Variants in GTF2A1 observed in about 807,000 individuals in gnomAD.
GTF2A1 encodes the protein general transcription factor IIA subunit 1.
In GTF2A1, 12 loss-of-function variants were observed where a neutral mutation model predicts 54.1. The observed-to-expected ratio is 0.22, with a 90% CI of 0.14 to 0.36. The LOEUF (loss-of-function observed/expected upper bound fraction) is 0.36. Among genes scored for constraint, GTF2A1 ranks in the 10% least tolerant of loss-of-function variants. The pLI, the probability that GTF2A1 is intolerant of heterozygous loss-of-function variation, is 1.00. For synonymous variants in GTF2A1, 145 were observed against 152.0 expected (o/e 0.95, Z 0.34); for missense variants, 335 against 442.2 (o/e 0.76, Z 2.17).
At chr14:81,193,571 C>A (rs1892924322) in intron 6 of GTF2A1, among the ~76,000 whole-genome samples, 1 of 152,170 alleles carries the variant, frequency 6.6e-6, no homozygotes. Context: ...GGTTCTCAAT[C>A]CTGGCTGCAA....
chr14:81,216,613 ACTAT>A, intron 1 of GTF2A1, 99 bp from the exon 2 acceptor site: 1 of 622,974 alleles, frequency 1.6e-6, no homozygotes, highest in South Asian at 2.0e-5. Flanking sequence ...CATTTTGCCA[ACTAT>A]CTATATATGA....
In GTF2A1 at chr14:81,190,482, T is replaced by C. The variant is rs528509836; in HGVS notation, c.933+2037A>G. Among the ~76,000 whole-genome samples the C allele has an allele frequency of 3.3e-5, 5 of 151,950 alleles. No homozygotes were observed. The South Asian group carries it at 1.0e-3, about 32-fold the overall frequency. ...TGATCAAGTTGTGCTATCCCAGGAG[T>C]ACAAGATTGGTTTACAAATAGAAAA... On this transcript the variant is annotated intron_variant, in intron 7 of 8. Transcript: ENST00000553612.
chr14:81,197,600 A>G (rs796495401), intron 4 of GTF2A1, 116 bp from the exon 5 acceptor site: 1 of 589,186 alleles, frequency 1.7e-6, no homozygotes, highest in Non-Finnish European at 3.0e-6. Flanking sequence ...AATTTAAAAA[A>G]TCTAGTAAGG....
At chr14:81,191,425 T>A (rs1892874638) in intron 7 of GTF2A1, among the ~76,000 whole-genome samples, 1 of 152,170 alleles carries the variant, frequency 6.6e-6, no homozygotes, top group Admixed American at 6.5e-5. Context: ...TTATGTCCAC[T>A]GGATTAGAAA....
intron 2 of GTF2A1, among the ~76,000 whole-genome samples, chr14:81,212,739 T>C (rs982163929): frequency 1.3e-5 from 2 of 152,226 alleles, no homozygotes; most frequent in African/African-American, 4.8e-5. Flanking sequence ...AGCAGTCCAA[T>C]ATGGCAGCAA....
At chr14:81,205,141 A>G (rs886734834) in intron 2 of GTF2A1, among the ~76,000 whole-genome samples, 3 of 152,010 alleles carry the variant, frequency 2.0e-5, no homozygotes, top group Non-Finnish European at 4.4e-5. Flanking sequence ...TAATTTAAGA[A>G]ATAGTGACAA....
At chr14:81,189,781 G>A (rs1456436359) in intron 7 of GTF2A1, among the ~76,000 whole-genome samples, 1 of 152,094 alleles carries the variant, frequency 6.6e-6, no homozygotes, top group African/African-American at 2.4e-5. Flanking sequence ...CCAAACAAGT[G>A]CAGAAAACAC....
chr14:81,196,585 G>A (rs1027145277), intron 5 of GTF2A1, among the ~76,000 whole-genome samples: 3 of 152,124 alleles, frequency 2.0e-5, no homozygotes, highest in African/African-American at 7.2e-5. Flanking sequence ...CAGACACTTC[G>A]GGAGCTGTTC....
At chr14:81,199,968 G>A (rs1016359053) in intron 4 of GTF2A1, among the ~76,000 whole-genome samples, 10 of 150,482 alleles carry the variant, frequency 6.6e-5, no homozygotes, top group African/African-American at 2.4e-4. Flanking sequence ...AAGGGTGGAG[G>A]TTAAAAAAAA....
intron 8 of GTF2A1, among the ~76,000 whole-genome samples, chr14:81,184,777 T>C (rs1170157911): frequency 6.6e-6 from 1 of 152,202 alleles, no homozygotes; most frequent in Non-Finnish European, 1.5e-5. Flanking sequence ...AAGCTTTTGT[T>C]AGAATTTTTA....
chr14:81,196,066 A>T (rs1273619732), intron 6 of GTF2A1, 42 bp downstream of exon 6: 2 of 1,584,530 alleles, frequency 1.3e-6, no homozygotes, highest in Non-Finnish European at 1.7e-6. Context: ...CATACAGAAT[A>T]AAACAGAACC....
intron 8 of GTF2A1, among the ~76,000 whole-genome samples, chr14:81,183,193 C>G (rs559551250): frequency 6.6e-6 from 1 of 152,236 alleles, no homozygotes; most frequent in East Asian, 1.9e-4. Flanking sequence ...AGAATAGTGC[C>G]AAGGGACATC....
intron 8 of GTF2A1, among the ~76,000 whole-genome samples, chr14:81,184,380 T>C (rs1359865770): frequency 1.3e-5 from 2 of 152,154 alleles, no homozygotes; most frequent in African/African-American, 2.4e-5. Flanking sequence ...TCTATGTGTA[T>C]CTAACAGGAA....
rs1480605566 is a variant in GTF2A1, at chr14:81,201,618, T to C, written c.378A>G (p.Ile126Met). The change falls in exon 4 of 9, where the codon ATA (isoleucine) becomes ATG (methionine). Residue 126 changes from isoleucine (I) to methionine (M), a missense_variant. Coordinates refer to ENST00000553612, the MANE Select transcript of GTF2A1 (RefSeq NM_015859.4). ...CCATGTTTGATGCATTCATATGCTG[T>C]ATCAACTTAGAATCTGGAACAATAA... is the stretch of plus-strand genomic sequence containing the variant. ...PQVIVPDSKLIQHMNASNMSA... is the reference protein window; with the variant it reads ...PQVIVPDSKLMQHMNASNMSA... The C allele has an allele frequency of 6.2e-7, 1 of 1,607,934 alleles. No individual in the cohort carries two copies. Among genetic ancestry groups the C allele is most frequent in the East Asian group, 2.2e-5 (1 of 44,832 alleles).
rs1892906531 is a variant in GTF2A1, at chr14:81,192,822, A to G, written c.630T>C (p.Pro210=). Residue 210 remains proline (P), a synonymous_variant, in exon 7 of 9, where the codon CCT becomes CCC. Transcript: ENST00000553612. ...CACCTGTCTGTGGTGAAATCCCTCCAGGAAGAGGAGCCAGCACCTAAAGCA... is the reference window on the plus strand; with the variant it reads ...CACCTGTCTGTGGTGAAATCCCTCCGGGAAGAGGAGCCAGCACCTAAAGCA... The part of the protein sequence containing the change: ...PVIQQVLAPL[P]GGISPQTGVI... 3 of 1,608,974 alleles carry G rather than the reference A, an allele frequency of 1.9e-6. No homozygotes were observed. The highest frequency in any genetic ancestry group is 2.6e-6 in the Non-Finnish European group (3 of 1,175,600).
chr14:81,196,326 C>A, intron 5 of GTF2A1, 85 bp from the exon 6 acceptor site: 1 of 1,354,100 alleles, frequency 7.4e-7, no homozygotes, highest in Admixed American at 1.8e-5. Flanking sequence ...TTTCATACCA[C>A]CAAAGGCACA....
chr14:81,200,898 AAAAC>A (rs1893093762), intron 4 of GTF2A1, among the ~76,000 whole-genome samples: 1 of 151,410 alleles, frequency 6.6e-6, no homozygotes, highest in Non-Finnish European at 1.5e-5. Flanking sequence ...AAAAAAAAAA[AAAAC>A]AAAAAACAAC....
In GTF2A1 at chr14:81,201,537, T is replaced by C. The variant is rs897722420; in HGVS notation, c.402+57A>G. The C allele has an allele frequency of 3.4e-5, 34 of 1,012,412 alleles. No individual in the cohort carries two copies. In the African/African-American group the frequency reaches 4.6e-4, roughly 14 times the overall value. 62.7% of individuals were successfully genotyped at this position (1,012,412 alleles called of 1,614,324 possible). Reference sequence around the variant, plus strand: ...AATATAGGACATATATAGGCATAATTACAATGTGGGTTAGAATTAAGTACA... The same window carrying C: ...AATATAGGACATATATAGGCATAATCACAATGTGGGTTAGAATTAAGTACA... On this transcript the variant is annotated intron_variant, in intron 4 of 8. Transcript: ENST00000553612.
At chr14:81,187,683 G>A (rs1331243424) in intron 7 of GTF2A1, among the ~76,000 whole-genome samples, 4 of 152,130 alleles carry the variant, frequency 2.6e-5, no homozygotes, top group Non-Finnish European at 4.4e-5. Context: ...TAGCATATAC[G>A]AATACTTCAT....
Sources: allele counts gnomAD v4.1 joint callset (sites outside exome capture counted in the v4.1 genomes callset), GRCh38; gene constraint gnomAD v4.1.1; transcripts MANE v1.5; gene names NCBI Gene and HGNC (gene_info 2026-07-23, HGNC 2026-07-21).